ZSWIM4: variants seen among roughly 807,000 people sequenced by gnomAD.
ZSWIM4 encodes zinc finger SWIM-type containing 4.
A neutral mutation model predicts 102.5 loss-of-function variants in ZSWIM4; 62 were observed. The observed-to-expected ratio is 0.60, with a 90% CI of 0.49 to 0.75. The LOEUF (loss-of-function observed/expected upper bound fraction) is 0.75, where lower values mean the gene tolerates loss of function less well. Among genes scored for constraint, ZSWIM4 ranks in the 30% least tolerant of loss-of-function variants. The probability of loss-of-function intolerance (pLI) is 0.00; values close to 1 mark genes in which losing one functional copy is unlikely to be tolerated. For missense variants in ZSWIM4, 1,280 were observed against 1,529.6 expected (o/e 0.84, Z 2.72); for synonymous variants, 652 against 674.5 (o/e 0.97, Z 0.52).
intron 5 of ZSWIM4, among the ~76,000 whole-genome samples, chr19:13,812,234 A>C (rs942375503): frequency 6.6e-6 from 1 of 151,754 alleles, no homozygotes; most frequent in Non-Finnish European, 1.5e-5. Flanking sequence ...TACCCAAAAA[A>C]CCCCAAAACA....
chr19:13,809,001 C>T lies in ZSWIM4; in HGVS notation c.861+17C>T, dbSNP rs771288164. 4.4e-6 allele frequency: 7 copies of T among 1,608,944 alleles called. No homozygotes were observed. Among genetic ancestry groups the T allele is most frequent in the South Asian group, 1.1e-5 (1 of 90,836 alleles). The stretch of plus-strand genomic sequence containing the variant: ...TTCAGCAAGGTGCCGTGCGGGCCGG[C>T]GGGGCGCGGGGTGCAGAAGGCCCCG... On this transcript the variant is annotated intron_variant, in intron 4 of 13. Transcript: ENST00000590508. This position sits in a 1 kb window ranked among gnomAD's most constrained non-coding sequence, Gnocchi z 4.2.
At position 13,809,236 on chromosome 19, in the gene ZSWIM4, C is replaced by T. The variant is rs1387793977; in HGVS notation, c.1012+16C>T. On this transcript the variant is annotated intron_variant, in intron 5 of 13. Coordinates refer to ENST00000590508, the MANE Select transcript of ZSWIM4 (RefSeq NM_001367834.3). This position sits in a 1 kb window ranked among gnomAD's most constrained non-coding sequence, Gnocchi z 4.2. ...GATGAGCTGGGTGAGGCCCAAACCCCGGTGCGTGGTGGACACCGGGACTTC... is the reference window on the plus strand; with the variant it reads ...GATGAGCTGGGTGAGGCCCAAACCCTGGTGCGTGGTGGACACCGGGACTTC... The T allele has an allele frequency of 1.9e-6, 3 of 1,586,688 alleles. No homozygotes were observed. The highest frequency in any genetic ancestry group is 1.7e-5 in the Admixed American group (1 of 58,796).
At chr19:13,800,065 A>ATTTTCTTTTT in intron 2 of ZSWIM4, 144 bp downstream of exon 2, 1 of 383,226 alleles carries the variant, frequency 2.6e-6, no homozygotes, top group Non-Finnish European at 4.2e-6. Context: ...ATTGTACAAG[A>ATTTTCTTTTT]TTTTTTTTTT....
chr19:13,798,563 A>G (rs1343182534), intron 1 of ZSWIM4, among the ~76,000 whole-genome samples: 2 of 152,196 alleles, frequency 1.3e-5, no homozygotes. Flanking sequence ...CAGGAGGGAA[A>G]CCGCAAGAAA....
chr19:13,806,905 C>T lies in ZSWIM4; in HGVS notation c.712+1757C>T, dbSNP rs576841995. On this transcript the variant is annotated intron_variant, in intron 3 of 13. Transcript: ENST00000590508. ...ATCGTGGGTGGGCAGAGTGGGTGGG[C>T]GCTTTGTGTAGGGTGGATGGATGGA... Among the ~76,000 whole-genome samples the T allele has an allele frequency of 5.9e-5, 9 of 151,792 alleles. No homozygotes were observed. The South Asian group carries it at 6.3e-4, about 11-fold the overall frequency.
intron 2 of ZSWIM4, among the ~76,000 whole-genome samples, chr19:13,800,715 A>G (rs1036765967): frequency 6.6e-6 from 1 of 152,164 alleles, no homozygotes; most frequent in Non-Finnish European, 1.5e-5. Context: ...CCTGTACACG[A>G]TGTTTTGAGC....
rs757547497 is a variant in ZSWIM4 at position 13,800,804 on chromosome 19, CAG to C, written c.355+884_355+885del. Among the ~76,000 whole-genome samples the C allele has an allele frequency of 4.6e-5, 7 of 152,130 alleles. No individual in the cohort carries two copies. The East Asian group carries it at 1.2e-3, about 25-fold the overall frequency. On this transcript the variant is annotated intron_variant, in intron 2 of 13. Transcript: ENST00000590508. ...GGGGGAGAGGATGGTGAACCAGAAA[CAG>C]GGGAGGAGAGATCCCAGAACTTACA...
rs1975718089 is a variant in ZSWIM4, at chr19:13,830,174, C to T, written c.2462-17C>T. On this transcript the variant is annotated splice_polypyrimidine_tract_variant and intron_variant, in intron 13 of 13. Coordinates refer to ENST00000590508, the MANE Select transcript of ZSWIM4 (RefSeq NM_001367834.3). Reference sequence around the variant, plus strand: ...GCCCCCGCTCCTGACGGATTTCCCTCCCTCACCTCCCACCAGGCCCGCAAG... The same window carrying T: ...GCCCCCGCTCCTGACGGATTTCCCTTCCTCACCTCCCACCAGGCCCGCAAG... 1 of 1,600,012 alleles carries T rather than the reference C, an allele frequency of 6.2e-7. No individual in the cohort carries two copies. Among genetic ancestry groups the T allele is most frequent in the African/African-American group, 1.3e-5 (1 of 74,738 alleles).
intron 12 of ZSWIM4, 61 bp from the exon 13 acceptor site, chr19:13,828,584 C>A (rs1295384501): frequency 1.3e-6 from 2 of 1,513,872 alleles, no homozygotes; most frequent in African/African-American, 1.4e-5. Flanking sequence ...TCTCCCAACG[C>A]CCCTCCATAG....
intron 8 of ZSWIM4, 64 bp downstream of exon 8, chr19:13,817,417 G>GCC: frequency 6.4e-7 from 1 of 1,568,146 alleles, no homozygotes; most frequent in South Asian, 1.2e-5. Flanking sequence ...ACGCCCCCTG[G>GCC]CCCAGTACCC....
At chr19:13,827,910 A>G (rs879326717) in intron 12 of ZSWIM4, among the ~76,000 whole-genome samples, 2 of 152,164 alleles carry the variant, frequency 1.3e-5, no homozygotes, top group Admixed American at 1.3e-4. Context: ...GCCAACAGGA[A>G]GCATGGAGGT....
At position 13,812,989 on chromosome 19, in the gene ZSWIM4, C is replaced by T; in HGVS notation, c.1013-8C>T. On this transcript the variant is annotated splice_region_variant and splice_polypyrimidine_tract_variant and intron_variant, in intron 5 of 13. Transcript: ENST00000590508. The stretch of plus-strand genomic sequence containing the variant: ...CAGGAATATTGAGCCTGCCCCGTGC[C>T]TCCTCAGGGGCCCTGTGGGTTTGCG... The T allele has an allele frequency of 6.3e-7, 1 of 1,597,806 alleles. No homozygotes were observed. The highest frequency in any genetic ancestry group is 8.6e-7 in the Non-Finnish European group (1 of 1,168,248).
intron 2 of ZSWIM4, among the ~76,000 whole-genome samples, chr19:13,800,404 T>C (rs1243152967): frequency 6.6e-6 from 1 of 151,944 alleles, no homozygotes; most frequent in Non-Finnish European, 1.5e-5. Flanking sequence ...TAGCCGGGAC[T>C]ACAGGCGCCC....
At chr19:13,802,891 A>G (rs775941758) in intron 2 of ZSWIM4, among the ~76,000 whole-genome samples, 5 of 152,132 alleles carry the variant, frequency 3.3e-5, no homozygotes, top group Admixed American at 2.0e-4. Context: ...GTATCAGGTT[A>G]AGATCAGCTG....
At chr19:13,811,632 G>A (rs1025562775) in intron 5 of ZSWIM4, among the ~76,000 whole-genome samples, 2 of 152,148 alleles carry the variant, frequency 1.3e-5, no homozygotes, top group African/African-American at 2.4e-5. Flanking sequence ...CCAGGAGTTC[G>A]AGTGCAGCTT....
intron 6 of ZSWIM4, among the ~76,000 whole-genome samples, chr19:13,813,487 A>G (rs955940133): frequency 4.6e-5 from 7 of 152,126 alleles, no homozygotes; most frequent in African/African-American, 1.4e-4. Context: ...GAGGAATCAA[A>G]CAGAAGGGGA....
chr19:13,804,200 G>A (rs938995040), intron 2 of ZSWIM4, among the ~76,000 whole-genome samples: 2 of 151,728 alleles, frequency 1.3e-5, no homozygotes, highest in African/African-American at 4.8e-5. Context: ...GCTGGGCACC[G>A]TGGCCCACGC....
intron 5 of ZSWIM4, among the ~76,000 whole-genome samples, chr19:13,811,152 A>G (rs912513117): frequency 6.6e-6 from 1 of 151,854 alleles, no homozygotes; most frequent in East Asian, 1.9e-4. Context: ...TGACCTCGTG[A>G]TCCGCCTGCC....
At chr19:13,796,091 G>C (rs982143510) in intron 1 of ZSWIM4, among the ~76,000 whole-genome samples, 2 of 149,370 alleles carry the variant, frequency 1.3e-5, no homozygotes, top group African/African-American at 5.0e-5. Flanking sequence ...CCAGATCTCT[G>C]AGATCTGGCC....
Sources: allele counts gnomAD v4.1 joint callset (sites outside exome capture counted in the v4.1 genomes callset), GRCh38; gene constraint gnomAD v4.1.1; non-coding constraint Gnocchi (gnomAD v3.1); transcripts MANE v1.5; gene names NCBI Gene and HGNC (gene_info 2026-07-23, HGNC 2026-07-21).